Variants in ARHGEF12 observed in about 807,000 individuals in gnomAD.
ARHGEF12 encodes the protein Rho guanine nucleotide exchange factor 12.
In ARHGEF12, 66 loss-of-function variants were observed where a neutral mutation model predicts 211.2. That is an observed-to-expected ratio of 0.31 (90% CI 0.26 to 0.38). The LOEUF (loss-of-function observed/expected upper bound fraction) is 0.38. Among genes scored for constraint, ARHGEF12 ranks in the 10% least tolerant of loss-of-function variants. The pLI, the probability that ARHGEF12 is intolerant of heterozygous loss-of-function variation, is 1.00. For synonymous variants in ARHGEF12, 592 were observed against 638.4 expected (o/e 0.93, Z 1.09); for missense variants, 1,429 against 1,869.5 (o/e 0.76, Z 4.34).
At chr11:120,343,912 AAGATCAAAGAGGACTTTGT>A (rs1302835074) in intron 1 of ARHGEF12, among the ~76,000 whole-genome samples, 2 of 152,180 alleles carry the variant, frequency 1.3e-5, no homozygotes, top group African/African-American at 4.8e-5. Flanking sequence ...ATATACTCAA[AAGATCAAAGAGGACTTTGT>A]AGATCTTTTA....
Position 120,485,721 on chromosome 11 carries a change from T to C in ARHGEF12, c.*644T>C, listed in dbSNP as rs1459003417. The C allele has an allele frequency of 4.3e-6, 1 of 233,666 alleles. No individual in the cohort carries two copies. The highest frequency in any genetic ancestry group is 8.5e-6 in the Non-Finnish European group (1 of 118,114). 14.5% of individuals were successfully genotyped at this position (233,666 alleles called of 1,614,324 possible). ...GGTATGCTATGCCGTGTGGCTCTTATGTGCCCAGGTGGTGTGGTCAGAGAG... is the reference window on the plus strand; with the variant it reads ...GGTATGCTATGCCGTGTGGCTCTTACGTGCCCAGGTGGTGTGGTCAGAGAG... On this transcript the variant is annotated 3_prime_UTR_variant, in exon 41 of 41. Coordinates refer to ENST00000397843, the MANE Select transcript of ARHGEF12 (RefSeq NM_015313.3).
intron 1 of ARHGEF12, among the ~76,000 whole-genome samples, chr11:120,390,494 G>A (rs556358977): frequency 2.2e-4 from 34 of 152,322 alleles, no homozygotes; most frequent in Admixed American, 7.2e-4. Flanking sequence ...CTGGCAAGTT[G>A]CCCATATGGC....
At chr11:120,467,428 A>ATTTTT in intron 29 of ARHGEF12, 120 bp downstream of exon 29, 1 of 365,888 alleles carries the variant, frequency 2.7e-6, no homozygotes, top group Admixed American at 5.1e-5. Context: ...GTATGACAAG[A>ATTTTT]TTTTCTTTTT....
chr11:120,338,234 T>TG (rs1269223167), intron 1 of ARHGEF12, among the ~76,000 whole-genome samples: 1 of 152,230 alleles, frequency 6.6e-6, no homozygotes, highest in African/African-American at 2.4e-5. Flanking sequence ...TATTACACCG[T>TG]GAAAAAATAG....
chr11:120,387,895 T>G (rs1591530725), intron 1 of ARHGEF12, among the ~76,000 whole-genome samples: 1 of 152,220 alleles, frequency 6.6e-6, no homozygotes, highest in Non-Finnish European at 1.5e-5. Context: ...TTTGTTTCAT[T>G]TAAACATTAG....
At chr11:120,412,362 A>G (rs1237775361) in intron 4 of ARHGEF12, among the ~76,000 whole-genome samples, 1 of 152,208 alleles carries the variant, frequency 6.6e-6, no homozygotes, top group Non-Finnish European at 1.5e-5. Context: ...ACAAAATACC[A>G]TAGACTGCTT....
At chr11:120,338,220 G>T (rs1380196410) in intron 1 of ARHGEF12, among the ~76,000 whole-genome samples, 1 of 152,124 alleles carries the variant, frequency 6.6e-6, no homozygotes, top group Non-Finnish European at 1.5e-5. Context: ...GTCAGTCTTC[G>T]AATTATTACA....
At chr11:120,448,099 CTAGT>C (rs1351711743) in intron 19 of ARHGEF12, 131 bp from the exon 20 acceptor site, 2 of 757,858 alleles carry the variant, frequency 2.6e-6, no homozygotes, top group Non-Finnish European at 4.3e-6. Flanking sequence ...TGTGCAATGA[CTAGT>C]TAGTTCTTTA....
chr11:120,428,213 A>G lies in ARHGEF12; in HGVS notation c.551A>G (p.Asn184Ser). 1 of 1,610,642 alleles carries G rather than the reference A, an allele frequency of 6.2e-7. No homozygotes were observed. Among genetic ancestry groups the G allele is most frequent in the Non-Finnish European group, 8.5e-7 (1 of 1,178,562 alleles). ...CCTCATTCACCTGGAGCATCTGGGA[A>G]TATGGAGAGAATCACTAGTCCTGTG... Reference protein sequence around the residue: ...TSPHSPGASGNMERITSPVLM... With the variant: ...TSPHSPGASGSMERITSPVLM... The change falls in exon 8 of 41, where the codon AAT becomes AGT. Residue 184 changes from asparagine (N) to serine (S), a missense_variant. Asn to Ser is a conservative substitution (Grantham distance 46). This residue lies in a region of ARHGEF12 where 254 missense variants were observed against 286.4 expected (regional missense o/e 0.89). Coordinates refer to ENST00000397843, the MANE Select transcript of ARHGEF12 (RefSeq NM_015313.3).
chr11:120,381,509 A>T (rs983325406), intron 1 of ARHGEF12, among the ~76,000 whole-genome samples: 3 of 152,196 alleles, frequency 2.0e-5, no homozygotes, highest in Admixed American at 1.3e-4. Flanking sequence ...AAGTCAAAAC[A>T]CCGTGTTCCA....
Position 120,460,735 on chromosome 11 carries a change from T to C in ARHGEF12, c.2591T>C (p.Ile864Thr). 1 of 1,613,852 alleles carries C rather than the reference T, an allele frequency of 6.2e-7. No homozygotes were observed. The change falls in exon 27 of 41, where the codon ATT becomes ACT. Residue 864 changes from isoleucine to threonine, a missense_variant. Ile to Thr is a moderately conservative substitution (Grantham distance 89). Coordinates refer to ENST00000397843, the MANE Select transcript of ARHGEF12 (RefSeq NM_015313.3). Reference sequence around the variant, plus strand: ...AATGAGACCTCTGTTATCGATCAGATTGGGGAAGATTTGCTGACATGGGTA... The same window carrying C: ...AATGAGACCTCTGTTATCGATCAGACTGGGGAAGATTTGCTGACATGGGTA... Reference protein sequence around the residue: ...KRNETSVIDQIGEDLLTWFSG... With the variant: ...KRNETSVIDQTGEDLLTWFSG...
chr11:120,365,439 A>G (rs1416882777), intron 1 of ARHGEF12, among the ~76,000 whole-genome samples: 1 of 152,230 alleles, frequency 6.6e-6, no homozygotes, highest in Non-Finnish European at 1.5e-5. Context: ...AGACATAGGA[A>G]TAAAGGAAAA....
chr11:120,474,479 TAA>T, intron 31 of ARHGEF12, 79 bp from the exon 32 acceptor site: 2 of 896,334 alleles, frequency 2.2e-6, no homozygotes, highest in Non-Finnish European at 3.3e-6. Context: ...AGAATTTCTT[TAA>T]AAGAGACTGT....
intron 1 of ARHGEF12, among the ~76,000 whole-genome samples, chr11:120,339,084 A>G (rs1399095557): frequency 6.7e-6 from 1 of 149,874 alleles, no homozygotes; most frequent in Non-Finnish European, 1.5e-5. Context: ...TAATCTGCAA[A>G]TTGGTTTGGG....
At chr11:120,364,224 A>C (rs936368029) in intron 1 of ARHGEF12, among the ~76,000 whole-genome samples, 2 of 152,084 alleles carry the variant, frequency 1.3e-5, no homozygotes, top group African/African-American at 4.8e-5. Flanking sequence ...GCACCAAACA[A>C]AAAAAAATTT....
intron 40 of ARHGEF12, 29 bp from the exon 41 acceptor site, chr11:120,485,038 T>C: frequency 6.2e-7 from 1 of 1,609,326 alleles, no homozygotes; most frequent in East Asian, 2.2e-5. Flanking sequence ...TTTCTTAATA[T>C]CATTTCCATG....
intron 1 of ARHGEF12, among the ~76,000 whole-genome samples, chr11:120,344,292 A>C (rs1034778108): frequency 4.8e-5 from 7 of 145,970 alleles, no homozygotes; most frequent in Admixed American, 2.7e-4. Context: ...AAAAAAAAAA[A>C]AACTGGAGAC....
At chr11:120,454,642 A>G (rs1945220991) in intron 22 of ARHGEF12, among the ~76,000 whole-genome samples, 1 of 152,222 alleles carries the variant, frequency 6.6e-6, no homozygotes, top group African/African-American at 2.4e-5. Context: ...GTTGCAGTCA[A>G]GATATTAGCC....
At chr11:120,483,466 C>G (rs186762139) in intron 39 of ARHGEF12, among the ~76,000 whole-genome samples, 455 of 151,130 alleles carry the variant, frequency 3.0e-3, no homozygotes, top group African/African-American at 0.01. Context: ...GTCTGTCACC[C>G]AGGCTGGAGT....
Sources: gnomAD v4.1 joint callset for allele counts (sites outside exome capture counted in the v4.1 genomes callset) on GRCh38, gnomAD v4.1.1 for gene constraint, gnomAD v4.1.1 regional missense constraint, MANE v1.5 for transcripts, NCBI Gene and HGNC (gene_info 2026-07-23, HGNC 2026-07-21) for gene names.